PMM1: variants seen among roughly 807,000 people sequenced by gnomAD.
PMM1 encodes brain glucose-1,6-bisphosphatase.
A neutral mutation model predicts 34.0 loss-of-function variants in PMM1; 25 were observed. The observed-to-expected ratio is 0.73, with a 90% CI of 0.54 to 1.03. The LOEUF (loss-of-function observed/expected upper bound fraction) is 1.03. Among genes scored for constraint, PMM1 ranks in the 50% least tolerant of loss-of-function variants. The probability of loss-of-function intolerance (pLI) is 0.00; values close to 1 mark genes in which losing one functional copy is unlikely to be tolerated. For missense variants in PMM1, 321 were observed against 350.1 expected (o/e 0.92, Z 0.66); for synonymous variants, 134 against 143.9 (o/e 0.93, Z 0.49).
At chr22:41,584,235 C>A in intron 4 of PMM1, 46 bp downstream of exon 4, 1 of 1,549,622 alleles carries the variant, frequency 6.5e-7, no homozygotes, top group South Asian at 1.1e-5. Flanking sequence ...CACACTTCTC[C>A]TCCCTCAGGC....
In PMM1 at chr22:41,577,820, G is replaced by A. The variant is rs139492080; in HGVS notation, c.654C>T (p.Asn218=). 2.8e-4 allele frequency: 456 copies of A among 1,612,760 alleles called. No homozygotes were observed. The highest frequency in any genetic ancestry group is 3.6e-4 in the Non-Finnish European group (429 of 1,179,228). Residue 218 remains asparagine (N), a synonymous_variant, in exon 7 of 8, where the codon AAC becomes AAT. Coordinates refer to ENST00000216259, the MANE Select transcript of PMM1 (RefSeq NM_002676.3). The part of the protein sequence containing the change: ...DSFDTIHFFG[N]ETSPGGNDFE... Reference sequence around the variant, plus strand: ...GGGCCACACTCACAGGGCTAGTCTCGTTCCCAAAGAAGTGGATGGTGTCGA... The same window carrying A: ...GGGCCACACTCACAGGGCTAGTCTCATTCCCAAAGAAGTGGATGGTGTCGA...
rs770158908 is a variant in PMM1 at position 41,577,407 on chromosome 22, G to C, written c.700C>G (p.Arg234Gly). 1 of 1,612,376 alleles carries C rather than the reference G, an allele frequency of 6.2e-7. No homozygotes were observed. Among genetic ancestry groups the C allele is most frequent in the South Asian group, 1.1e-5 (1 of 91,076 alleles). ...GACACCACGCTGTGGCCAACAGTCC[G>C]GGGGTCGGCAAAGATCTCAAAGTCG... ...GNDFEIFADP[R>G]TVGHSVVSPQ... The change falls in exon 8 of 8, where the codon CGG becomes GGG. Residue 234 changes from arginine (R) to glycine (G), a missense_variant. By Grantham distance (125) the Arg-to-Gly change is moderately radical. Transcript: ENST00000216259.
intron 1 of PMM1, chr22:41,586,406 T>C (rs2067308143): frequency 6.2e-6 from 5 of 806,216 alleles, no homozygotes; most frequent in Non-Finnish European, 8.9e-6. Context: ...AAAGATCACT[T>C]GACCCAGGAG....
chr22:41,584,200 A>T, intron 4 of PMM1, 81 bp downstream of exon 4: 2 of 1,385,096 alleles, frequency 1.4e-6, no homozygotes, highest in Non-Finnish European at 2.0e-6. Context: ...GGGCCCAAGT[A>T]TCTCCAGGTT....
intron 5 of PMM1, among the ~76,000 whole-genome samples, chr22:41,582,899 C>T (rs67295636): frequency 0.04 from 6,100 of 152,130 alleles, 263 homozygotes; most frequent in African/African-American, 0.092. Context: ...TGGATTGCTC[C>T]ATCCCCGAGA....
chr22:41,584,222 A>ACC, intron 4 of PMM1, 59 bp downstream of exon 4: 1 of 1,492,750 alleles, frequency 6.7e-7, no homozygotes, highest in Non-Finnish European at 9.3e-7. Flanking sequence ...CCTCTGAGGG[A>ACC]CCCACACTTC....
intron 5 of PMM1, 53 bp from the exon 6 acceptor site, chr22:41,578,934 C>G: frequency 2.6e-6 from 4 of 1,514,850 alleles, no homozygotes; most frequent in South Asian, 1.1e-5. Context: ...GTGTGCCAGG[C>G]CCTGGCTGGG....
At chr22:41,581,119 A>C (rs1381242666) in intron 5 of PMM1, among the ~76,000 whole-genome samples, 1 of 150,294 alleles carries the variant, frequency 6.7e-6, no homozygotes, top group African/African-American at 2.4e-5. Flanking sequence ...ATCTCAAAAA[A>C]AAAAAAAAAA....
chr22:41,581,815 C>T (rs958804286), intron 5 of PMM1, among the ~76,000 whole-genome samples: 3 of 152,074 alleles, frequency 2.0e-5, no homozygotes, highest in African/African-American at 4.8e-5. Context: ...GGTGAAACCC[C>T]GTCTCTACTA....
intron 1 of PMM1, chr22:41,589,070 T>A: frequency 7.7e-7 from 1 of 1,302,622 alleles, no homozygotes; most frequent in African/African-American, 1.5e-5. Flanking sequence ...TTCCTCAGTG[T>A]CCTCACAGCA....
At chr22:41,586,470 A>AT in intron 1 of PMM1, 1 of 455,138 alleles carries the variant, frequency 2.2e-6, no homozygotes, top group Middle Eastern at 5.9e-4. Context: ...TGAAAAAAAA[A>AT]ATTTTTTTGG....
chr22:41,589,573 G>T, intron 1 of PMM1, 146 bp downstream of exon 1: 1 of 672,434 alleles, frequency 1.5e-6, no homozygotes, highest in Non-Finnish European at 2.5e-6. Context: ...CCGGTGGGTG[G>T]CCCCGGATGT....
chr22:41,581,442 T>C (rs912972184), intron 5 of PMM1, among the ~76,000 whole-genome samples: 5 of 152,160 alleles, frequency 3.3e-5, no homozygotes, highest in Non-Finnish European at 5.9e-5. Flanking sequence ...AGAGGGCCAA[T>C]GGCAAAATCA....
At chr22:41,587,287 A>C (rs1041582881) in intron 1 of PMM1, among the ~76,000 whole-genome samples, 1 of 151,596 alleles carries the variant, frequency 6.6e-6, no homozygotes, top group African/African-American at 2.4e-5. Flanking sequence ...AAAAGAAAAA[A>C]AAATTAGCTG....
In PMM1 at chr22:41,577,409, G is replaced by A. The variant is rs2067186129; in HGVS notation, c.698C>T (p.Pro233Leu). ...GGNDFEIFAD[P>L]RTVGHSVVSP... ...CACCACGCTGTGGCCAACAGTCCGG[G>A]GGTCGGCAAAGATCTCAAAGTCGTT... The change falls in exon 8 of 8, where the codon CCC (proline) becomes CTC (leucine). Residue 233 changes from proline (P) to leucine (L), a missense_variant. Transcript: ENST00000216259. The A allele has an allele frequency of 1.2e-6, 2 of 1,612,424 alleles. No homozygotes were observed. The highest frequency in any genetic ancestry group is 1.7e-6 in the Non-Finnish European group (2 of 1,179,934).
intron 5 of PMM1, among the ~76,000 whole-genome samples, chr22:41,580,912 C>T (rs950905371): frequency 8.6e-5 from 13 of 151,952 alleles, no homozygotes; most frequent in Non-Finnish European, 1.9e-4. Context: ...GTTAAGAGAT[C>T]GAGACCATCC....
chr22:41,584,686 G>A (rs2067288360), intron 2 of PMM1, 83 bp from the exon 3 acceptor site: 1 of 977,356 alleles, frequency 1.0e-6, no homozygotes, highest in Admixed American at 2.1e-5. Context: ...GAGAGAGGAA[G>A]CCTACACCCT....
rs1569053114 is a variant in PMM1, at chr22:41,579,143, G to A, written c.475-262C>T. The A allele has an allele frequency of 2.1e-5, 10 of 471,292 alleles. No individual in the cohort carries two copies. In the East Asian group the frequency reaches 3.9e-4, roughly 18 times the overall value. 29.2% of individuals were successfully genotyped at this position (471,292 alleles called of 1,614,324 possible). On this transcript the variant is annotated intron_variant, in intron 5 of 7. Coordinates refer to ENST00000216259, the MANE Select transcript of PMM1 (RefSeq NM_002676.3). ...TGGGTCTTCTGAAGGAGACCTCAGA[G>A]GAGAGACACGAGTAGGAAGGGCGAG...
chr22:41,583,884 T>C (rs2067274500), intron 5 of PMM1, 75 bp downstream of exon 5: 1 of 933,720 alleles, frequency 1.1e-6, no homozygotes, highest in Non-Finnish European at 1.8e-6. Context: ...TCTATTTTAC[T>C]GATGAGAAAA....
Sources: gnomAD v4.1 joint callset for allele counts (sites outside exome capture counted in the v4.1 genomes callset) on GRCh38, gnomAD v4.1.1 for gene constraint, MANE v1.5 for transcripts, NCBI Gene and HGNC (gene_info 2026-07-23, HGNC 2026-07-21) for gene names.